The following MAGED1 variants were observed in gnomAD, a reference collection of about 807,000 sequenced individuals.
MAGED1 encodes the protein melanoma-associated antigen D1.
A neutral mutation model predicts 54.1 loss-of-function variants in MAGED1; 3 were observed. The ratio of observed to expected loss-of-function variants is 0.06; its 90% CI spans 0.03 to 0.14. The LOEUF (loss-of-function observed/expected upper bound fraction) is 0.14, where lower values mean the gene tolerates loss of function less well. Ranked by LOEUF, MAGED1 falls within the 10% of genes least tolerant of loss-of-function variation. The pLI, the probability that MAGED1 is intolerant of heterozygous loss-of-function variation, is 1.00. For missense variants in MAGED1, 485 were observed against 623.4 expected, an observed-to-expected ratio of 0.78 and a Z score of 2.36; for synonymous variants, 217 against 227.3, an observed-to-expected ratio of 0.95 and a Z score of 0.41.
At chrX:51,881,192 T>C (rs1250778795) in intron 1 of MAGED1, among the ~76,000 whole-genome samples, 3 of 110,729 alleles carry the variant, frequency 2.7e-5, no homozygotes, top group African/African-American at 9.9e-5. Flanking sequence ...TCTCTTCTTA[T>C]AAGGTCATTA....
At chrX:51,871,686 G>T (rs1557361595) in intron 1 of MAGED1, among the ~76,000 whole-genome samples, 5 of 111,419 alleles carry the variant, frequency 4.5e-5, no homozygotes, top group Non-Finnish European at 1.9e-5. Context: ...TGGACATTTG[G>T]GTTGGTTCCA....
At chrX:51,870,642 T>C (rs1261080548) in intron 1 of MAGED1, 1 of 112,186 alleles carries the variant, frequency 8.9e-6, no homozygotes, top group Admixed American at 9.4e-5. Context: ...GGGTAATACA[T>C]TGGATTGCCT....
intron 4 of MAGED1, 53 bp downstream of exon 4, chrX:51,897,130 T>G: frequency 8.4e-7 from 1 of 1,193,431 alleles, no homozygotes; most frequent in Non-Finnish European, 1.1e-6. Flanking sequence ...CTTTTCTTTG[T>G]CATCCTCTCA....
chrX:51,803,765 C>G lies in MAGED1; in HGVS notation c.-37+648C>G, dbSNP rs144995313. On this transcript the variant is annotated intron_variant, in intron 1 of 12. Coordinates refer to the MAGED1 transcript ENST00000375772. ...TTTAACTCTAAACAAAATTACACAT[C>G]ATTTAGATACTATTGCACAGGTTTC... is the stretch of plus-strand genomic sequence containing the variant. Among the ~76,000 whole-genome samples, 386 of 96,402 alleles carry G rather than the reference C, an allele frequency of 4.0e-3. 1 individual carries two copies. The highest frequency in any genetic ancestry group is 0.014 in the African/African-American group (371 of 25,833). The allele number at this position is 96,402 out of a possible 115,157, so 83.7% of individuals were successfully genotyped here.
intron 3 of MAGED1, chrX:51,896,032 C>G (rs1928735215): frequency 2.6e-6 from 1 of 385,594 alleles, no homozygotes; most frequent in South Asian, 6.0e-5. Context: ...TAGGCACATT[C>G]ACACAGGTTG....
At chrX:51,890,849 A>G (rs1317831083), upstream of MAGED1, among the ~76,000 whole-genome samples, 1 of 108,971 alleles carries the variant, frequency 9.2e-6, no homozygotes, top group Admixed American at 9.8e-5. Context: ...AAAAAAAAAA[A>G]GGAAAAGTCT....
chrX:51,879,416 C>T (rs1927982481), intron 1 of MAGED1, among the ~76,000 whole-genome samples: 1 of 110,690 alleles, frequency 9.0e-6, no homozygotes, highest in African/African-American at 3.3e-5. Context: ...TTCTCCTTTA[C>T]TTTTGAAAGA....
Position 51,901,809 on chromosome X carries a change from A to G in MAGED1, c.2216A>G (p.His739Arg). Residue 739 changes from histidine to arginine, a missense_variant, in exon 12 of 13, where the codon CAC (histidine) becomes CGC (arginine). His to Arg is a conservative substitution (Grantham distance 29). Transcript: ENST00000326587. ...CCATTTACCTTCTGGGCCAGATACC[A>G]CCAGAATGCCCGCTCCAGATTCCCT... The part of the protein sequence containing the change: ...RIPFTFWARY[H>R]QNARSRFPQT... The G allele has an allele frequency of 8.3e-7, 1 of 1,211,200 alleles. No individual in the cohort carries two copies. The highest frequency in any genetic ancestry group is 1.8e-5 in the South Asian group (1 of 56,904).
At chrX:51,870,991 C>G (rs1218174934) in intron 1 of MAGED1, among the ~76,000 whole-genome samples, 3 of 112,398 alleles carry the variant, frequency 2.7e-5, no homozygotes, top group East Asian at 2.8e-4. Flanking sequence ...CTTGGCAGCA[C>G]ACTCCCGGAG....
intron 1 of MAGED1, among the ~76,000 whole-genome samples, chrX:51,806,929 A>G (rs1557355157): frequency 9.1e-6 from 1 of 110,400 alleles, no homozygotes; most frequent in Non-Finnish European, 1.9e-5. Context: ...CTGGGATTAC[A>G]GGTGACCACC....
chrX:51,884,702 C>T (rs782726092), intron 1 of MAGED1, among the ~76,000 whole-genome samples: 2 of 111,831 alleles, frequency 1.8e-5, no homozygotes, highest in South Asian at 3.8e-4. Flanking sequence ...ATATGTCTCA[C>T]GAACATAGAC....
rs1400464340 is a variant in MAGED1, at chrX:51,874,120, G to GATAC, written c.-36-20147_-36-20144dup. Among the ~76,000 whole-genome samples, 3 of 111,573 alleles carry GATAC rather than the reference G, an allele frequency of 2.7e-5. No individual in the cohort carries two copies. In the East Asian group the frequency reaches 8.4e-4, roughly 31 times the overall value. On this transcript the variant is annotated intron_variant, in intron 1 of 12. Transcript: ENST00000375772. The stretch of plus-strand genomic sequence containing the variant: ...ATAGATGAAAATCACGATGGTGCTA[G>GATAC]ATACAGATGGGATATGACTGGCAGA...
In MAGED1 at chrX:51,900,306, G is replaced by A. The variant is rs782497494; in HGVS notation, c.1959+10G>A. The stretch of plus-strand genomic sequence containing the variant: ...GAGATTCATTGCAGAGGTAATGGAG[G>A]AACTGTTCCAGCATTGATAGGTCAA... On this transcript the variant is annotated intron_variant, in intron 11 of 12. Transcript: ENST00000326587. The A allele has an allele frequency of 9.4e-6, 11 of 1,164,946 alleles. No individual in the cohort carries two copies. In the Admixed American group the frequency reaches 1.5e-4, roughly 16 times the overall value.
At chrX:51,851,099 A>G (rs1926875646) in intron 1 of MAGED1, among the ~76,000 whole-genome samples, 1 of 111,656 alleles carries the variant, frequency 9.0e-6, no homozygotes, top group Middle Eastern at 4.6e-3. Context: ...TGGGTTTGAT[A>G]ACTGATTGAC....
chrX:51,894,738 G>C (rs781827476), intron 2 of MAGED1: 1 of 1,151,109 alleles, frequency 8.7e-7, no homozygotes, highest in Non-Finnish European at 1.1e-6. Context: ...TCAACTCCGC[G>C]ATCCGCCTGC....
intron 1 of MAGED1, among the ~76,000 whole-genome samples, chrX:51,825,917 G>A (rs2146960416): frequency 8.9e-6 from 1 of 112,112 alleles, no homozygotes; most frequent in African/African-American, 3.2e-5. Flanking sequence ...TTTAGTATGG[G>A]TTTTGCACTG....
intron 1 of MAGED1, among the ~76,000 whole-genome samples, chrX:51,861,059 A>G (rs1557360623): frequency 9.1e-6 from 1 of 110,452 alleles, no homozygotes; most frequent in African/African-American, 3.3e-5. Flanking sequence ...AGCAATTTGG[A>G]CCCCACCCCC....
chrX:51,895,659 A>G lies in MAGED1; in HGVS notation c.652A>G (p.Ile218Val). The G allele has an allele frequency of 2.5e-6, 3 of 1,208,370 alleles. No homozygotes were observed. Among genetic ancestry groups the G allele is most frequent in the Non-Finnish European group, 3.4e-6 (3 of 893,555 alleles). Residue 218 changes from isoleucine (I) to valine (V), a missense_variant, in exon 3 of 13, where the codon ATC (isoleucine) becomes GTC (valine). By Grantham distance (29) the Ile-to-Val change is conservative. Transcript: ENST00000326587. ...SQADIETDPG[I>V]SEPDGATAQT... is the part of the protein sequence containing the mutation. ...GGCTGACATAGAGACCGACCCAGGT[A>G]TCTCTGAACCTGACGGTGCAACTGC... is the stretch of plus-strand genomic sequence containing the variant.
At chrX:51,859,349 G>A (rs1927194402) in intron 1 of MAGED1, among the ~76,000 whole-genome samples, 1 of 111,833 alleles carries the variant, frequency 8.9e-6, no homozygotes, top group African/African-American at 3.3e-5. Context: ...TGTTGTGATA[G>A]TATTAATCAC....
Sources: allele counts gnomAD v4.1 joint callset (sites outside exome capture counted in the v4.1 genomes callset), GRCh38; gene constraint gnomAD v4.1.1; transcripts MANE v1.5; gene names NCBI Gene and HGNC (gene_info 2026-07-23, HGNC 2026-07-21).